Variants in ZMYM4 observed in about 807,000 individuals in gnomAD.
ZMYM4 encodes the protein zinc finger MYM-type containing 4.
Under a neutral mutation model 183.2 loss-of-function variants are expected in ZMYM4, and 31 were observed. That is an observed-to-expected ratio of 0.17 (90% CI 0.13 to 0.23). ZMYM4 has a LOEUF of 0.23. Among genes scored for constraint, ZMYM4 ranks in the 10% least tolerant of loss-of-function variants. The pLI is 1.00. For missense variants in ZMYM4, 1,273 were observed against 1,840.3 expected (o/e 0.69, Z 5.64); for synonymous variants, 592 against 631.2 (o/e 0.94, Z 0.93).
At chr1:35,352,398 A>G (rs1351853749) in intron 2 of ZMYM4, among the ~76,000 whole-genome samples, 3 of 151,560 alleles carry the variant, frequency 2.0e-5, no homozygotes, top group Admixed American at 2.0e-4. Context: ...ACACACACAC[A>G]CACACACACA....
At chr1:35,359,548 A>G in intron 3 of ZMYM4, 102 bp downstream of exon 3, 2 of 1,134,840 alleles carry the variant, frequency 1.8e-6, no homozygotes, top group Non-Finnish European at 2.4e-6. Flanking sequence ...ATGAACGGTT[A>G]AATTCATTGT....
chr1:35,340,508 C>T (rs1643161290), intron 2 of ZMYM4, among the ~76,000 whole-genome samples: 1 of 151,646 alleles, frequency 6.6e-6, no homozygotes, highest in Non-Finnish European at 1.5e-5. Flanking sequence ...TCTTGTTTTC[C>T]TGCAACTAGA....
At position 35,397,522 on chromosome 1, in the gene ZMYM4, A is replaced by G. The variant is rs1644830003; in HGVS notation, c.3176A>G (p.Glu1059Gly). ...EMAEMIAEDE[E>G]KKTLSQGESQ... ...GCAGAAATGATTGCAGAAGATGAAG[A>G]GAAGAAGACTCTATCTCAGGGAGGT... is the stretch of plus-strand genomic sequence containing the variant. The change falls in exon 20 of 30, where the codon GAG (glutamate) becomes GGG (glycine). Residue 1059 changes from glutamate to glycine, a missense_variant. Transcript: ENST00000314607. 1 of 1,612,270 alleles carries G rather than the reference A, an allele frequency of 6.2e-7. No individual in the cohort carries two copies. Among genetic ancestry groups the G allele is most frequent in the Non-Finnish European group, 8.5e-7 (1 of 1,179,210 alleles).
rs577171542 is a variant in ZMYM4 at position 35,290,214 on chromosome 1, C to T, written c.39+21129C>T. On this transcript the variant is annotated intron_variant, in intron 1 of 29. Transcript: ENST00000314607. ...AACTCCTGACCTCAAGTGATCCACCCGCCTTGGCCTCCCAAAATGCTGGGA... is the reference window on the plus strand; with the variant it reads ...AACTCCTGACCTCAAGTGATCCACCTGCCTTGGCCTCCCAAAATGCTGGGA... Among the ~76,000 whole-genome samples, 5 of 152,086 alleles carry T rather than the reference C, an allele frequency of 3.3e-5. No individual in the cohort carries two copies. The South Asian group carries it at 6.2e-4, about 19-fold the overall frequency.
In ZMYM4 at chr1:35,389,862, C is replaced by A; in HGVS notation, c.2437-86C>A. On this transcript the variant is annotated intron_variant, in intron 14 of 29. Coordinates refer to ENST00000314607, the MANE Select transcript of ZMYM4 (RefSeq NM_005095.3). The surrounding 1 kb of genome is among the most constrained non-coding windows in gnomAD (Gnocchi z 4.0). ...TTTGATCTAAATTCTAAGTTAATTT[C>A]GTCACTTGTTATGTGTGTCTTATTT... 4 of 1,376,372 alleles carry A rather than the reference C, an allele frequency of 2.9e-6. No homozygotes were observed. The highest frequency in any genetic ancestry group is 1.5e-5 in the South Asian group (1 of 68,896). 85.3% of individuals were successfully genotyped at this position (1,376,372 alleles called of 1,614,324 possible). A position where few individuals can be genotyped will look rare whatever the true frequency, so the allele number is the denominator to read the frequency against.
rs766619897 is a variant in ZMYM4 at position 35,370,409 on chromosome 1, G to A, written c.963G>A (p.Ala321=). Residue 321 remains alanine, a synonymous_variant, in exon 7 of 30, where the codon GCG becomes GCA. Transcript: ENST00000314607. ...CTACTGGCTTTCAGCCCTCACTGGC[G>A]TCATCTGGCATGAATAAAATGCTTC... ...QLTTGFQPSL[A]SSGMNKMLPS... The A allele has an allele frequency of 1.4e-5, 22 of 1,574,758 alleles. No individual in the cohort carries two copies. Among genetic ancestry groups the A allele is most frequent in the Middle Eastern group, 1.7e-4 (1 of 5,860 alleles).
At chr1:35,332,544 CAA>C (rs1387208893) in intron 2 of ZMYM4, among the ~76,000 whole-genome samples, 2 of 152,000 alleles carry the variant, frequency 1.3e-5, no homozygotes, top group South Asian at 2.1e-4. Flanking sequence ...TAACAGGACT[CAA>C]AGACTGTGAC....
rs575933548 is a variant in ZMYM4 at position 35,420,873 on chromosome 1, A to G, written c.*1196A>G. 5.4e-4 allele frequency: 83 copies of G among 152,774 alleles called. No homozygotes were observed. Among genetic ancestry groups the G allele is most frequent in the African/African-American group, 1.9e-3 (78 of 41,578 alleles). 9.5% of individuals were successfully genotyped at this position (152,774 alleles called of 1,614,324 possible). On this transcript the variant is annotated 3_prime_UTR_variant, in exon 30 of 30. Coordinates refer to ENST00000314607, the MANE Select transcript of ZMYM4 (RefSeq NM_005095.3). ...TACAAAGACATTGTCTTGCATATCCATAAGCAGGTCTTAGAGCATTATTCC... is the reference window on the plus strand; with the variant it reads ...TACAAAGACATTGTCTTGCATATCCGTAAGCAGGTCTTAGAGCATTATTCC...
chr1:35,281,171 C>G (rs146990961), intron 1 of ZMYM4, among the ~76,000 whole-genome samples: 2,398 of 151,790 alleles, frequency 0.016, 61 homozygotes, highest in African/African-American at 0.054. Flanking sequence ...GTAATCCCAG[C>G]TACTCGGGAG....
At chr1:35,270,851 C>T (rs1011272800) in intron 1 of ZMYM4, among the ~76,000 whole-genome samples, 4 of 152,054 alleles carry the variant, frequency 2.6e-5, no homozygotes, top group Non-Finnish European at 5.9e-5. Flanking sequence ...TCTTTCTGTT[C>T]ATCAGTCGTG....
intron 7 of ZMYM4, among the ~76,000 whole-genome samples, 194 bp from the exon 8 acceptor site, chr1:35,381,065 C>T (rs925837868): frequency 6.6e-6 from 1 of 151,964 alleles, no homozygotes; most frequent in Admixed American, 6.6e-5. Context: ...CTGTTAATTC[C>T]ACTTCATAGA....
intron 1 of ZMYM4, among the ~76,000 whole-genome samples, chr1:35,297,357 T>G (rs1417354140): frequency 2.6e-5 from 4 of 152,096 alleles, no homozygotes; most frequent in Non-Finnish European, 5.9e-5. Flanking sequence ...GCCAGGCATT[T>G]TGGCTTACAC....
At chr1:35,343,151 G>C (rs192029471) in intron 2 of ZMYM4, among the ~76,000 whole-genome samples, 32 of 152,134 alleles carry the variant, frequency 2.1e-4, no homozygotes, top group Admixed American at 6.5e-4. Context: ...ATTGCCTTTT[G>C]TTGTATTGTT....
intron 3 of ZMYM4, among the ~76,000 whole-genome samples, chr1:35,360,217 G>A (rs1643906784): frequency 6.6e-6 from 1 of 151,940 alleles, no homozygotes; most frequent in Non-Finnish European, 1.5e-5. Flanking sequence ...GCATTTTCAT[G>A]CCTCATTATT....
chr1:35,382,524 C>T (rs1457154620), intron 9 of ZMYM4, among the ~76,000 whole-genome samples: 1 of 150,556 alleles, frequency 6.6e-6, no homozygotes, highest in Non-Finnish European at 1.5e-5. Context: ...CTCACTGCAA[C>T]CTCCACCTCC....
chr1:35,281,887 T>C (rs1640186750), intron 1 of ZMYM4, among the ~76,000 whole-genome samples: 1 of 152,330 alleles, frequency 6.6e-6, no homozygotes, highest in Non-Finnish European at 1.5e-5. Context: ...ATTCTAGATA[T>C]TTCATGTAAG....
intron 1 of ZMYM4, among the ~76,000 whole-genome samples, chr1:35,287,555 C>G (rs978367908): frequency 6.6e-6 from 1 of 151,506 alleles, no homozygotes; most frequent in Non-Finnish European, 1.5e-5. Context: ...CACCTAGTGC[C>G]CTCCCCTTCT....
At chr1:35,399,359 A>C in intron 22 of ZMYM4, 123 bp from the exon 23 acceptor site, 1 of 954,702 alleles carries the variant, frequency 1.0e-6, no homozygotes, top group South Asian at 1.8e-5. Flanking sequence ...TGGAATCCTT[A>C]TTTTATCACA....
intron 17 of ZMYM4, 21 bp from the exon 18 acceptor site, chr1:35,393,574 T>G: frequency 3.2e-6 from 5 of 1,559,522 alleles, no homozygotes; most frequent in Non-Finnish European, 4.3e-6. Flanking sequence ...GTTTTTGGTT[T>G]CTAATTTGTT....
Sources: allele counts gnomAD v4.1 joint callset (sites outside exome capture counted in the v4.1 genomes callset), GRCh38; gene constraint gnomAD v4.1.1; non-coding constraint Gnocchi (gnomAD v3.1); transcripts MANE v1.5; gene names NCBI Gene and HGNC (gene_info 2026-07-23, HGNC 2026-07-21).